The following PDE1C variants were observed in gnomAD, a reference collection of about 807,000 sequenced individuals.
PDE1C encodes the protein phosphodiesterase 1C.
A neutral mutation model predicts 93.1 loss-of-function variants in PDE1C; 62 were observed. The ratio of observed to expected loss-of-function variants is 0.67; its 90% confidence interval spans 0.54 to 0.82. PDE1C has a LOEUF of 0.82. Ranked by LOEUF, PDE1C falls within the 40% of genes least tolerant of loss-of-function variation. PDE1C has a pLI of 0.00. For synonymous variants in PDE1C, 325 were observed against 310.1 expected (o/e 1.05, Z -0.50); for missense variants, 742 against 884.6 (o/e 0.84, Z 2.04).
At chr7:32,409,785 C>T (rs540239702) in intron 1 of PDE1C, among the ~76,000 whole-genome samples, 3 of 151,706 alleles carry the variant, frequency 2.0e-5, no homozygotes, top group Admixed American at 1.3e-4. Context: ...ATCTTCTTAA[C>T]ATAATATTAT....
chr7:32,343,283 A>G (rs541577), intron 1 of PDE1C, among the ~76,000 whole-genome samples: 74,213 of 152,176 alleles, frequency 0.49, 21,324 homozygotes, highest in Admixed American at 0.65. Context: ...GTAGGACACC[A>G]ACGCTTGGAG....
intron 8 of PDE1C, among the ~76,000 whole-genome samples, chr7:31,848,665 G>T (rs866412655): frequency 6.6e-6 from 1 of 152,096 alleles, no homozygotes; most frequent in Non-Finnish European, 1.5e-5. Flanking sequence ...CCATACTATA[G>T]CTGAATGTCA....
chr7:31,979,064 T>C (rs12701165), intron 2 of PDE1C, among the ~76,000 whole-genome samples: 21,968 of 152,158 alleles, frequency 0.14, 1,806 homozygotes, highest in South Asian at 0.19. Context: ...GAACATTCAC[T>C]TTCACAACTC....
intron 17 of PDE1C, among the ~76,000 whole-genome samples, chr7:31,769,076 G>A (rs1027890155): frequency 1.3e-5 from 2 of 152,072 alleles, no homozygotes; most frequent in Admixed American, 1.3e-4. Flanking sequence ...GATTATAGGT[G>A]TGAGCCATCG....
chr7:31,858,611 T>A (rs917209795), intron 7 of PDE1C, among the ~76,000 whole-genome samples: 12 of 152,192 alleles, frequency 7.9e-5, no homozygotes, highest in African/African-American at 2.7e-4. Context: ...TGTTACCTTA[T>A]GTTATTTTTA....
intron 7 of PDE1C, among the ~76,000 whole-genome samples, chr7:31,856,882 C>T (rs1196836797): frequency 6.6e-6 from 1 of 152,060 alleles, no homozygotes; most frequent in Non-Finnish European, 1.5e-5. Flanking sequence ...GGAGAAAAGT[C>T]CAAAATCAAG....
At chr7:32,255,649 G>A (rs1266456011) in intron 1 of PDE1C, among the ~76,000 whole-genome samples, 1 of 152,178 alleles carries the variant, frequency 6.6e-6, no homozygotes, top group African/African-American at 2.4e-5. Flanking sequence ...GGAAACAAAA[G>A]GTTTGGAAAG....
chr7:31,873,824 G>A (rs1028034468), intron 5 of PDE1C, among the ~76,000 whole-genome samples: 12 of 152,290 alleles, frequency 7.9e-5, no homozygotes, highest in African/African-American at 2.9e-4. Context: ...ACATAGGTTG[G>A]ATGCCTAAGA....
At chr7:31,694,967 T>G in the PDE1C span, among the ~76,000 whole-genome samples, 2 of 152,138 alleles carry the variant, frequency 1.3e-5, no homozygotes, top group Admixed American at 1.3e-4. Flanking sequence ...AAACCCAAGG[T>G]CTGGATCACC....
intron 1 of PDE1C, among the ~76,000 whole-genome samples, chr7:32,368,672 A>G (rs954880416): frequency 6.6e-5 from 10 of 152,132 alleles, no homozygotes; most frequent in Non-Finnish European, 1.0e-4. Context: ...ATTTGTATGG[A>G]ATCACAAAGA....
intron 2 of PDE1C, among the ~76,000 whole-genome samples, chr7:32,006,909 G>A (rs1279265661): frequency 6.6e-6 from 1 of 152,174 alleles, no homozygotes; most frequent in Non-Finnish European, 1.5e-5. Flanking sequence ...GTGCTCTTAA[G>A]CAAGACAAAA....
At chr7:32,038,033 C>T (rs1791336607) in intron 2 of PDE1C, among the ~76,000 whole-genome samples, 1 of 152,118 alleles carries the variant, frequency 6.6e-6, no homozygotes, top group Non-Finnish European at 1.5e-5. Context: ...TCTCACCTAC[C>T]CTTTTTAAAT....
chr7:31,627,570 A>T, the PDE1C span, among the ~76,000 whole-genome samples: 1 of 143,352 alleles, frequency 7.0e-6, no homozygotes, highest in African/African-American at 2.5e-5. Context: ...AGGCAGGAGG[A>T]TTGCTTGAGC....
chr7:31,683,813 C>T, the PDE1C span, among the ~76,000 whole-genome samples: 2 of 152,112 alleles, frequency 1.3e-5, no homozygotes, highest in Non-Finnish European at 1.5e-5. Context: ...TCTGGAAATG[C>T]TCAATCATTT....
At chr7:31,694,857 T>C in the PDE1C span, among the ~76,000 whole-genome samples, 1 of 151,974 alleles carries the variant, frequency 6.6e-6, no homozygotes. Context: ...TGCAGAGGAT[T>C]GAGAAAAGTA....
intron 2 of PDE1C, among the ~76,000 whole-genome samples, chr7:31,919,686 C>T (rs1212957567): frequency 2.0e-5 from 3 of 152,128 alleles, no homozygotes; most frequent in Admixed American, 6.5e-5. Flanking sequence ...GGAAATCAGG[C>T]CTCAAGATTT....
intron 2 of PDE1C, among the ~76,000 whole-genome samples, chr7:31,992,374 C>A (rs1467161536): frequency 6.6e-6 from 1 of 152,150 alleles, no homozygotes; most frequent in South Asian, 2.1e-4. Context: ...TTTCCAAGTG[C>A]CTTGGACATC....
intron 2 of PDE1C, among the ~76,000 whole-genome samples, chr7:32,029,700 C>G (rs1563219060): frequency 6.6e-6 from 1 of 151,978 alleles, no homozygotes; most frequent in Non-Finnish European, 1.5e-5. Flanking sequence ...GACTTTCACC[C>G]AAACAGGTAA....
At position 32,382,939 on chromosome 7, in the gene PDE1C, G is replaced by A. The variant is rs79079882; in HGVS notation, c.310+44883C>T. On this transcript the variant is annotated intron_variant, in intron 1 of 1. Coordinates refer to the PDE1C transcript ENST00000672256. ...TCATGTATCTGAAAGACAACAGGGG[G>A]TAGAAAAGTCTGAAACACATCTCCC... Among the ~76,000 whole-genome samples, 49 of 152,224 alleles carry A rather than the reference G, an allele frequency of 3.2e-4. No homozygotes were observed. In the East Asian group the frequency reaches 4.1e-3, roughly 13 times the overall value.
Sources: gnomAD v4.1 joint callset for allele counts (sites outside exome capture counted in the v4.1 genomes callset) on GRCh38, gnomAD v4.1.1 for gene constraint, MANE v1.5 for transcripts, NCBI Gene and HGNC (gene_info 2026-07-23, HGNC 2026-07-21) for gene names.